The following ESCO1 variants were observed in gnomAD, a reference collection of about 807,000 sequenced individuals.
ESCO1 encodes the protein establishment of sister chromatid cohesion N-acetyltransferase 1.
In ESCO1, 33 loss-of-function variants were observed where a neutral mutation model predicts 83.5. That is an observed-to-expected ratio of 0.40 (90% CI 0.30 to 0.53). The LOEUF (loss-of-function observed/expected upper bound fraction) is 0.53. Ranked by LOEUF, ESCO1 falls within the 20% of genes least tolerant of loss-of-function variation. The pLI is 0.63. For synonymous variants in ESCO1, 332 were observed against 324.3 expected, an observed-to-expected ratio of 1.02 and a Z score of -0.25; for missense variants, 855 against 968.0, an observed-to-expected ratio of 0.88 and a Z score of 1.55.
At chr18:21,538,535 A>G (rs2037865407) in intron 9 of ESCO1, among the ~76,000 whole-genome samples, 1 of 152,200 alleles carries the variant, frequency 6.6e-6, no homozygotes, top group South Asian at 2.1e-4. Flanking sequence ...TTATTTGGGT[A>G]TCTAAGATTG....
At chr18:21,571,506 T>C (rs1475108294) in intron 4 of ESCO1, among the ~76,000 whole-genome samples, 1 of 152,180 alleles carries the variant, frequency 6.6e-6, no homozygotes, top group Non-Finnish European at 1.5e-5. Context: ...TTTCTTATAA[T>C]GTTCCTCCAA....
chr18:21,567,777 T>C (rs1348270625), intron 5 of ESCO1, among the ~76,000 whole-genome samples: 1 of 152,198 alleles, frequency 6.6e-6, no homozygotes, highest in Non-Finnish European at 1.5e-5. Context: ...AGTCAAAGGG[T>C]AGTACTTAGG....
chr18:21,534,688 CATG>C (rs1406012376), intron 10 of ESCO1, among the ~76,000 whole-genome samples: 1 of 147,992 alleles, frequency 6.8e-6, no homozygotes, highest in Non-Finnish European at 1.5e-5. Flanking sequence ...GGTTCAGTGG[CATG>C]ATATTAGCTC....
intron 4 of ESCO1, among the ~76,000 whole-genome samples, chr18:21,568,758 C>T (rs941698563): frequency 4.6e-5 from 7 of 152,016 alleles, no homozygotes; most frequent in Admixed American, 3.9e-4. Context: ...CAAAAATTAG[C>T]TGGGCGTGAT....
chr18:21,575,460 T>C, intron 3 of ESCO1, 30 bp from the exon 4 acceptor site: 1 of 398,308 alleles, frequency 2.5e-6, no homozygotes. Flanking sequence ...AAATAAAGTT[T>C]TGTACAATCC....
At chr18:21,585,964 G>T (rs2038570186) in intron 1 of ESCO1, among the ~76,000 whole-genome samples, 1 of 152,110 alleles carries the variant, frequency 6.6e-6, no homozygotes, top group South Asian at 2.1e-4. Context: ...TTTTGATACA[G>T]ACATACAACC....
rs2038543751 is a variant in ESCO1 at position 21,584,326 on chromosome 18, A to T, written c.-710T>A. ...GCCACTTACCTTAAAGAAATAATAT[A>T]TCACCTTTTTCTTCAAGTTGATTGA... On this transcript the variant is annotated 5_prime_UTR_variant, in exon 2 of 12. Coordinates refer to ENST00000269214, the MANE Select transcript of ESCO1 (RefSeq NM_052911.3). 6.6e-6 allele frequency: 1 copy of T among 152,044 alleles called. No homozygotes were observed. 9.4% of individuals were successfully genotyped at this position (152,044 alleles called of 1,614,324 possible).
intron 1 of ESCO1, among the ~76,000 whole-genome samples, chr18:21,585,620 G>A (rs2038564472): frequency 6.6e-6 from 1 of 151,946 alleles, no homozygotes; most frequent in South Asian, 2.1e-4. Context: ...CCAAAACTTT[G>A]CTACTCTTTT....
intron 6 of ESCO1, among the ~76,000 whole-genome samples, chr18:21,565,889 C>T (rs1402109763): frequency 6.6e-6 from 1 of 152,004 alleles, no homozygotes; most frequent in Non-Finnish European, 1.5e-5. Context: ...AGTGATTGTG[C>T]CACTGCACTC....
chr18:21,543,425 T>C (rs2037932209), intron 8 of ESCO1, among the ~76,000 whole-genome samples: 1 of 152,200 alleles, frequency 6.6e-6, no homozygotes, highest in African/African-American at 2.4e-5. Flanking sequence ...TCCAAAGTGT[T>C]GGGATTAAGA....
chr18:21,592,532 A>G (rs1431520310), intron 1 of ESCO1, among the ~76,000 whole-genome samples: 20 of 130,960 alleles, frequency 1.5e-4, no homozygotes, highest in East Asian at 2.5e-4. Flanking sequence ...CCTCCTGGAC[A>G]GGGCGGCTGG....
chr18:21,536,423 C>G (rs1390922827), intron 9 of ESCO1, among the ~76,000 whole-genome samples: 1 of 151,724 alleles, frequency 6.6e-6, no homozygotes, highest in African/African-American at 2.4e-5. Context: ...AACCCTGTCT[C>G]TACTAAAATA....
intron 7 of ESCO1, 78 bp from the exon 8 acceptor site, chr18:21,561,068 G>C: frequency 1.4e-6 from 2 of 1,386,014 alleles, no homozygotes; most frequent in Non-Finnish European, 1.9e-6. Context: ...AGGCTATAGT[G>C]TGAGCATAAA....
chr18:21,599,543 G>A (rs1056131288), intron 1 of ESCO1, among the ~76,000 whole-genome samples: 2 of 152,130 alleles, frequency 1.3e-5, no homozygotes, highest in African/African-American at 4.8e-5. Context: ...CCACCAAGTA[G>A]CGCTTTTGTT....
chr18:21,532,811 C>G, intron 10 of ESCO1, 151 bp from the exon 11 acceptor site: 1 of 681,080 alleles, frequency 1.5e-6, no homozygotes, highest in Non-Finnish European at 2.4e-6. Context: ...AACAGACAAT[C>G]TGGATCTGCA....
At chr18:21,538,030 G>C (rs2037858266) in intron 9 of ESCO1, among the ~76,000 whole-genome samples, 1 of 151,890 alleles carries the variant, frequency 6.6e-6, no homozygotes, top group Admixed American at 6.6e-5. Context: ...GAAAAGGTTA[G>C]GTATGTCATG....
chr18:21,538,046 A>G (rs1203082096), intron 9 of ESCO1, among the ~76,000 whole-genome samples: 1 of 152,168 alleles, frequency 6.6e-6, no homozygotes, highest in Non-Finnish European at 1.5e-5. Context: ...TCATGAATGC[A>G]TAGAATATAT....
chr18:21,596,221 T>A lies in ESCO1; in HGVS notation c.-825+4402A>T, dbSNP rs183347455. ...CTGGGCAACATAGTGAAATCCCGTC[T>A]CTTCAAAAAAACAAAACAAAAAAAA... On this transcript the variant is annotated intron_variant, in intron 1 of 11. Transcript: ENST00000269214. Among the ~76,000 whole-genome samples, 24 of 133,994 alleles carry A rather than the reference T, an allele frequency of 1.8e-4. No homozygotes were observed. The East Asian group carries it at 4.9e-3, about 27-fold the overall frequency. The allele number at this position is 133,994 out of a possible 152,430, so 87.9% of individuals were successfully genotyped here.
intron 7 of ESCO1, among the ~76,000 whole-genome samples, chr18:21,562,328 T>C (rs930014535): frequency 2.6e-5 from 4 of 151,942 alleles, no homozygotes; most frequent in Admixed American, 1.3e-4. Context: ...ATACAACAAA[T>C]AGCCAGGCAC....
Sources: allele counts gnomAD v4.1 joint callset (sites outside exome capture counted in the v4.1 genomes callset), GRCh38; gene constraint gnomAD v4.1.1; transcripts MANE v1.5; gene names NCBI Gene and HGNC (gene_info 2026-07-23, HGNC 2026-07-21).